Variants in CERS4 observed in about 807,000 individuals in gnomAD.
CERS4 encodes ceramide synthase 4.
In CERS4, 65 loss-of-function variants were observed where a neutral mutation model predicts 51.8. The observed-to-expected ratio is 1.26, with a 90% confidence interval of 1.03 to 1.54. The LOEUF is 1.54. CERS4 is among the 40% of genes most tolerant of loss of function. The pLI is 0.00. For synonymous variants in CERS4, 228 were observed against 208.4 expected, an observed-to-expected ratio of 1.09 and a Z score of -0.81; for missense variants, 563 against 500.4, an observed-to-expected ratio of 1.13 and a Z score of -1.19.
chr19:8,233,476 G>GT (rs1474093892), intron 2 of CERS4, among the ~76,000 whole-genome samples: 1 of 151,762 alleles, frequency 6.6e-6, no homozygotes. Flanking sequence ...CCAGGTAGTT[G>GT]TTTTTTTATA....
In CERS4 at chr19:8,257,039, G is replaced by T. The variant is rs776890893; in HGVS notation, c.703G>T (p.Val235Leu). 2 of 1,612,578 alleles carry T rather than the reference G, an allele frequency of 1.2e-6. No homozygotes were observed. Among genetic ancestry groups the T allele is most frequent in the South Asian group, 2.2e-5 (2 of 90,934 alleles). ...CAACCTGCTGCGCATTGGCTCTCTG[G>T]TGCTGCTGTTACACGATTCCTCTGA... ...SANLLRIGSL[V>L]LLLHDSSDYL... Residue 235 changes from valine (V) to leucine (L), a missense_variant, in exon 9 of 12, where the codon GTG becomes TTG. Physicochemically the swap from Val to Leu is conservative, Grantham distance 32. Coordinates refer to ENST00000251363, the MANE Select transcript of CERS4 (RefSeq NM_024552.3).
intron 2 of CERS4, among the ~76,000 whole-genome samples, chr19:8,235,007 CTTTCT>C (rs1568512786): frequency 3.9e-5 from 5 of 127,916 alleles, no homozygotes; most frequent in Non-Finnish European, 3.2e-5. Flanking sequence ...TTCTTTCTTT[CTTTCT>C]TTTTTTTTTT....
chr19:8,256,400 C>G, intron 7 of CERS4, 114 bp downstream of exon 7: 1 of 1,247,672 alleles, frequency 8.0e-7, no homozygotes, highest in Non-Finnish European at 1.1e-6. Flanking sequence ...CCCACTGAGT[C>G]CCACGCTCTT....
intron 2 of CERS4, among the ~76,000 whole-genome samples, chr19:8,227,116 G>A (rs1439305160): frequency 1.3e-5 from 2 of 151,950 alleles, no homozygotes; most frequent in African/African-American, 2.4e-5. Context: ...CAACAAGAGC[G>A]AAACTGTCTC....
At chr19:8,215,498 A>T (rs1288057034) in intron 2 of CERS4, among the ~76,000 whole-genome samples, 1 of 151,202 alleles carries the variant, frequency 6.6e-6, no homozygotes, top group Admixed American at 6.6e-5. Flanking sequence ...AAAACAAAAA[A>T]CAAGCAGCGG....
intron 2 of CERS4, among the ~76,000 whole-genome samples, chr19:8,237,002 C>CA (rs781273995): frequency 0.19 from 8,642 of 44,846 alleles, 2,192 homozygotes; most frequent in Admixed American, 0.27. Flanking sequence ...GACTCTGTCT[C>CA]AAAAAAAAAA....
At chr19:8,249,825 G>A (rs541527813) in intron 2 of CERS4, among the ~76,000 whole-genome samples, 16 of 151,380 alleles carry the variant, frequency 1.1e-4, no homozygotes, top group African/African-American at 2.9e-4. Context: ...TCCTGACCTC[G>A]TGATCCACCT....
At chr19:8,217,748 A>G (rs1967363403) in intron 2 of CERS4, among the ~76,000 whole-genome samples, 1 of 152,102 alleles carries the variant, frequency 6.6e-6, no homozygotes, top group South Asian at 2.1e-4. Context: ...CCTGTTAGCC[A>G]GGATGGTCTC....
intron 10 of CERS4, among the ~76,000 whole-genome samples, chr19:8,260,374 T>TTTC (rs1478978173): frequency 1.8e-5 from 2 of 114,012 alleles, no homozygotes; most frequent in African/African-American, 3.0e-5. Flanking sequence ...TTTGTATTTT[T>TTTC]TTTTTTTTTT....
rs2145352563 is a variant in CERS4 at position 8,262,168 on chromosome 19, G to A, written c.*59G>A. 7.1e-7 allele frequency: 1 copy of A among 1,402,212 alleles called. No individual in the cohort carries two copies. Among genetic ancestry groups the A allele is most frequent in the East Asian group, 2.7e-5 (1 of 37,682 alleles). The allele number at this position is 1,402,212 out of a possible 1,614,324, so 86.9% of individuals were successfully genotyped here. A position where few individuals can be genotyped will look rare whatever the true frequency, so the allele number is the denominator to read the frequency against. On this transcript the variant is annotated 3_prime_UTR_variant, in exon 12 of 12. Coordinates refer to ENST00000251363, the MANE Select transcript of CERS4 (RefSeq NM_024552.3). The stretch of plus-strand genomic sequence containing the variant: ...CGCCAGTGCCTTGGATATTTCTGGG[G>A]TGACTGGACTGGCGCCCCTGGGCCA...
chr19:8,241,636 A>G (rs1968543264), intron 2 of CERS4, among the ~76,000 whole-genome samples: 1 of 152,110 alleles, frequency 6.6e-6, no homozygotes, highest in Non-Finnish European at 1.5e-5. Flanking sequence ...CTCAGGTGCC[A>G]TTCCGAACCA....
chr19:8,257,649 C>G (rs555102993), intron 9 of CERS4, among the ~76,000 whole-genome samples: 9 of 152,232 alleles, frequency 5.9e-5, no homozygotes, highest in African/African-American at 2.2e-4. Flanking sequence ...AGGCTGGTCT[C>G]GAACTCCTGA....
chr19:8,254,898 G>A (rs1969297750), intron 4 of CERS4, among the ~76,000 whole-genome samples: 1 of 151,452 alleles, frequency 6.6e-6, no homozygotes, highest in Non-Finnish European at 1.5e-5. Context: ...CAGCCTCCTT[G>A]GGAGATGGGG....
chr19:8,250,827 C>T (rs1262239896), intron 2 of CERS4: 1 of 1,263,142 alleles, frequency 7.9e-7, no homozygotes, highest in African/African-American at 1.6e-5. Flanking sequence ...CACAGCCCAA[C>T]TCTGCCTTTT....
Position 8,261,828 on chromosome 19 carries a change from T to C in CERS4, c.989T>C (p.Phe330Ser), listed in dbSNP as rs1416470388. 6.2e-7 allele frequency: 1 copy of C among 1,614,188 alleles called. No homozygotes were observed. Among genetic ancestry groups the C allele is most frequent in the African/African-American group, 1.3e-5 (1 of 75,038 alleles). ...CTCATTCTGCGCATGCTCTATAGCTTCATGAAGAAGGGCCAGGTATGGCTG... is the reference window on the plus strand; with the variant it reads ...CTCATTCTGCGCATGCTCTATAGCTCCATGAAGAAGGGCCAGGTATGGCTG... ...SCLILRMLYS[F>S]MKKGQMEKDI... is the part of the protein sequence containing the mutation. Residue 330 changes from phenylalanine to serine, a missense_variant, in exon 11 of 12, where the codon TTC (phenylalanine) becomes TCC (serine). Phe to Ser is a radical substitution (Grantham distance 155). Coordinates refer to ENST00000251363, the MANE Select transcript of CERS4 (RefSeq NM_024552.3).
chr19:8,239,178 G>T (rs931679939), intron 2 of CERS4, among the ~76,000 whole-genome samples: 11 of 151,896 alleles, frequency 7.2e-5, no homozygotes, highest in African/African-American at 2.7e-4. Flanking sequence ...GAGGCAGGTG[G>T]ATCACCTGAG....
chr19:8,256,530 T>C, intron 7 of CERS4, 88 bp from the exon 8 acceptor site: 1 of 1,284,516 alleles, frequency 7.8e-7, no homozygotes, highest in Non-Finnish European at 1.1e-6. Flanking sequence ...TATCCTGGTT[T>C]TGAGCAAACG....
At chr19:8,246,162 C>T (rs923227138) in intron 2 of CERS4, among the ~76,000 whole-genome samples, 1 of 151,338 alleles carries the variant, frequency 6.6e-6, no homozygotes, top group Non-Finnish European at 1.5e-5. Flanking sequence ...TGGAGGTTGA[C>T]TGGGAAGAGG....
At chr19:8,257,167 C>T (rs1449870577) in intron 9 of CERS4, 90 bp downstream of exon 9, 5 of 1,354,560 alleles carry the variant, frequency 3.7e-6, no homozygotes, top group Non-Finnish European at 5.0e-6. Context: ...TCCCAACCTT[C>T]CTGGGAGATG....
Sources: allele counts gnomAD v4.1 joint callset (sites outside exome capture counted in the v4.1 genomes callset), GRCh38; gene constraint gnomAD v4.1.1; transcripts MANE v1.5; gene names NCBI Gene and HGNC (gene_info 2026-07-23, HGNC 2026-07-21).